IMMP2L: variants seen among roughly 807,000 people sequenced by gnomAD.
IMMP2L encodes the protein mitochondrial inner membrane protease subunit 2.
In IMMP2L, 18 loss-of-function variants were observed where a neutral mutation model predicts 19.3. That is an observed-to-expected ratio of 0.93 (90% CI 0.64 to 1.38). The LOEUF (loss-of-function observed/expected upper bound fraction) is 1.38, where lower values mean the gene tolerates loss of function less well. Ranked by LOEUF, IMMP2L falls within the 40% of genes most tolerant of loss-of-function variation. The pLI, the probability that IMMP2L is intolerant of heterozygous loss-of-function variation, is 0.00. For synonymous variants in IMMP2L, 76 were observed against 73.0 expected (o/e 1.04, Z -0.21); for missense variants, 233 against 218.2 (o/e 1.07, Z -0.43).
intron 3 of IMMP2L, among the ~76,000 whole-genome samples, chr7:111,458,101 G>A (rs1839827994): frequency 6.6e-6 from 1 of 152,162 alleles, no homozygotes; most frequent in Non-Finnish European, 1.5e-5. Flanking sequence ...GAATGCACCA[G>A]GGCACGGTGG....
intron 1 of IMMP2L, among the ~76,000 whole-genome samples, chr7:111,528,587 T>A (rs1451056090): frequency 1.3e-5 from 2 of 152,180 alleles, no homozygotes; most frequent in African/African-American, 4.8e-5. Flanking sequence ...CACTGTAAAT[T>A]TCTCTCCTTC....
intron 3 of IMMP2L, among the ~76,000 whole-genome samples, chr7:111,157,773 A>T (rs2129605172): frequency 6.6e-6 from 1 of 152,218 alleles, no homozygotes; most frequent in East Asian, 1.9e-4. Context: ...GAGGTAATCG[A>T]TATCCCATTT....
intron 3 of IMMP2L, among the ~76,000 whole-genome samples, chr7:111,085,034 A>C (rs1796196387): frequency 6.6e-6 from 1 of 152,182 alleles, no homozygotes; most frequent in South Asian, 2.1e-4. Context: ...AAAAGAATGG[A>C]GAGAGACATA....
intron 5 of IMMP2L, among the ~76,000 whole-genome samples, chr7:110,720,844 G>A (rs1795521039): frequency 6.6e-6 from 1 of 151,968 alleles, no homozygotes; most frequent in African/African-American, 2.4e-5. Context: ...TTCCAGTATA[G>A]GCAGAATTTA....
chr7:111,100,652 T>C (rs1041133668), intron 3 of IMMP2L, among the ~76,000 whole-genome samples: 7 of 151,184 alleles, frequency 4.6e-5, no homozygotes, highest in Non-Finnish European at 8.9e-5. Flanking sequence ...CTGTTGAAAA[T>C]GCATAGAGCC....
chr7:111,225,456 A>G (rs570046024), intron 3 of IMMP2L, among the ~76,000 whole-genome samples: 1 of 152,188 alleles, frequency 6.6e-6, no homozygotes, highest in East Asian at 1.9e-4. Flanking sequence ...CAATACATGC[A>G]TGGGTAAAAG....
chr7:110,834,795 G>A (rs542416715), intron 5 of IMMP2L, among the ~76,000 whole-genome samples: 2 of 152,246 alleles, frequency 1.3e-5, no homozygotes, highest in African/African-American at 4.8e-5. Flanking sequence ...AAATTTAACT[G>A]AAAGAATTGG....
At chr7:111,022,097 G>T (rs1435757851) in intron 3 of IMMP2L, among the ~76,000 whole-genome samples, 4 of 152,146 alleles carry the variant, frequency 2.6e-5, no homozygotes, top group Non-Finnish European at 5.9e-5. Context: ...AATCACCTAT[G>T]CTGAGCATTA....
chr7:111,302,496 C>T (rs533380174), intron 3 of IMMP2L, among the ~76,000 whole-genome samples: 1 of 152,064 alleles, frequency 6.6e-6, no homozygotes, highest in Non-Finnish European at 1.5e-5. Context: ...AAAGCTCTTT[C>T]GATAACTCTG....
intron 3 of IMMP2L, among the ~76,000 whole-genome samples, chr7:111,082,673 T>C (rs932000140): frequency 1.3e-5 from 2 of 152,180 alleles, no homozygotes; most frequent in African/African-American, 4.8e-5. Context: ...GTGAGCATTA[T>C]ACAGCTGGGG....
At chr7:111,179,845 T>C (rs879561767) in intron 3 of IMMP2L, among the ~76,000 whole-genome samples, 6 of 152,104 alleles carry the variant, frequency 3.9e-5, no homozygotes, top group Non-Finnish European at 7.4e-5. Context: ...ATGTCAATAC[T>C]TGCTGCTTTA....
intron 3 of IMMP2L, among the ~76,000 whole-genome samples, chr7:111,066,135 C>A (rs1187225530): frequency 3.3e-5 from 5 of 151,946 alleles, no homozygotes; most frequent in Admixed American, 3.3e-4. Flanking sequence ...CACGTCACCA[C>A]GCCTGGCAAA....
intron 2 of IMMP2L, among the ~76,000 whole-genome samples, chr7:111,507,797 T>C (rs1021076123): frequency 6.6e-6 from 1 of 152,136 alleles, no homozygotes; most frequent in African/African-American, 2.4e-5. Flanking sequence ...AGCTGGAAAG[T>C]TCAAGATGGC....
At chr7:110,848,028 G>A (rs1291993166) in intron 5 of IMMP2L, among the ~76,000 whole-genome samples, 1 of 152,020 alleles carries the variant, frequency 6.6e-6, no homozygotes, top group Non-Finnish European at 1.5e-5. Flanking sequence ...CAACATCAAA[G>A]GCACAACCCA....
At chr7:111,241,104 T>C (rs931207921) in intron 3 of IMMP2L, among the ~76,000 whole-genome samples, 1 of 151,942 alleles carries the variant, frequency 6.6e-6, no homozygotes, top group Non-Finnish European at 1.5e-5. Flanking sequence ...AAATATTGTA[T>C]TATGTTTCAA....
chr7:111,237,427 A>C (rs1255891097), intron 3 of IMMP2L, among the ~76,000 whole-genome samples: 1 of 152,070 alleles, frequency 6.6e-6, no homozygotes, highest in Non-Finnish European at 1.5e-5. Flanking sequence ...TAAGTTAAAT[A>C]AGAATGATTT....
chr7:111,161,804 A>T (rs1055883795), intron 3 of IMMP2L, among the ~76,000 whole-genome samples: 1 of 152,064 alleles, frequency 6.6e-6, no homozygotes, highest in African/African-American at 2.4e-5. Context: ...CTAATGAATG[A>T]AATGTCTACT....
chr7:110,689,599 C>A (rs6961889), intron 5 of IMMP2L, among the ~76,000 whole-genome samples: 67,028 of 151,858 alleles, frequency 0.44, 15,399 homozygotes, highest in African/African-American at 0.56. Flanking sequence ...AGGGTGTATA[C>A]CTTCTCCTTA....
intron 3 of IMMP2L, among the ~76,000 whole-genome samples, chr7:111,328,935 T>G (rs1373846778): frequency 6.6e-6 from 1 of 150,510 alleles, no homozygotes; most frequent in East Asian, 1.9e-4. Context: ...TAACCATTAA[T>G]AACACAGAGA....
Sources: allele counts gnomAD v4.1 joint callset (sites outside exome capture counted in the v4.1 genomes callset), GRCh38; gene constraint gnomAD v4.1.1; transcripts MANE v1.5; gene names NCBI Gene and HGNC (gene_info 2026-07-23, HGNC 2026-07-21).